Variants in LRRC4C observed in about 807,000 individuals in gnomAD.
LRRC4C encodes leucine rich repeat containing 4C.
LRRC4C carries 5 observed loss-of-function variants against 33.6 expected under a neutral mutation model. The observed-to-expected ratio is 0.15, with a 90% CI of 0.08 to 0.31. LRRC4C has a LOEUF of 0.31. Among genes scored for constraint, LRRC4C ranks in the 10% least tolerant of loss-of-function variants. The pLI, the probability that LRRC4C is intolerant of heterozygous loss-of-function variation, is 1.00. For synonymous variants in LRRC4C, 329 were observed against 302.0 expected, an observed-to-expected ratio of 1.09 and a Z score of -0.93; for missense variants, 560 against 796.7, an observed-to-expected ratio of 0.70 and a Z score of 3.58.
In LRRC4C at chr11:41,021,015, C is replaced by T. The variant is rs576536460; in HGVS notation, c.-495-87292G>A. The stretch of plus-strand genomic sequence containing the variant: ...AAATGAGGCTGATTTGCATCACTTG[C>T]TCTCTAACCTTTTCCTTCACAGCAT... On this transcript the variant is annotated intron_variant, in intron 1 of 6. Transcript: ENST00000528697. Among the ~76,000 whole-genome samples the T allele has an allele frequency of 5.9e-5, 9 of 152,282 alleles. No individual in the cohort carries two copies. The South Asian group carries it at 1.0e-3, about 18-fold the overall frequency.
chr11:41,422,499 A>T (rs1954905011), intron 1 of LRRC4C, among the ~76,000 whole-genome samples: 1 of 152,070 alleles, frequency 6.6e-6, no homozygotes, highest in Admixed American at 6.6e-5. Context: ...CAGTCATGAG[A>T]GCACCCACTG....
intron 2 of LRRC4C, among the ~76,000 whole-genome samples, chr11:40,669,916 C>T (rs779300171): frequency 6.6e-6 from 1 of 152,218 alleles, no homozygotes; most frequent in African/African-American, 2.4e-5. Flanking sequence ...TATAAAATCA[C>T]TGCTCATAAA....
intron 1 of LRRC4C, among the ~76,000 whole-genome samples, chr11:41,130,565 A>C (rs891328242): frequency 6.6e-6 from 1 of 152,010 alleles, no homozygotes; most frequent in Admixed American, 6.6e-5. Context: ...TCAACTATGA[A>C]ATGTTTTTTA....
At chr11:41,153,419 T>C (rs17515552) in intron 1 of LRRC4C, among the ~76,000 whole-genome samples, 310 of 152,268 alleles carry the variant, frequency 2.0e-3, no homozygotes, top group South Asian at 4.8e-3. Flanking sequence ...GAATGATTCA[T>C]TGAAAGCCCA....
At chr11:40,717,494 C>G (rs1451700868) in intron 2 of LRRC4C, among the ~76,000 whole-genome samples, 1 of 151,924 alleles carries the variant, frequency 6.6e-6, no homozygotes, top group Non-Finnish European at 1.5e-5. Flanking sequence ...CTTTTTGGTA[C>G]TAATGTTCTT....
intron 3 of LRRC4C, among the ~76,000 whole-genome samples, chr11:40,379,830 G>T (rs1022146972): frequency 1.3e-5 from 2 of 152,114 alleles, no homozygotes; most frequent in Non-Finnish European, 2.9e-5. Context: ...TTGTGGGCCC[G>T]CAGTATCAAC....
At chr11:41,287,598 C>A (rs964205916) in intron 1 of LRRC4C, among the ~76,000 whole-genome samples, 1 of 152,058 alleles carries the variant, frequency 6.6e-6, no homozygotes, top group African/African-American at 2.4e-5. Flanking sequence ...TCTGCAAGTA[C>A]CTAGAAGCTA....
At chr11:40,462,162 C>T (rs1952429749) in intron 3 of LRRC4C, among the ~76,000 whole-genome samples, 1 of 151,982 alleles carries the variant, frequency 6.6e-6, no homozygotes, top group Admixed American at 6.6e-5. Context: ...CCTATGAATT[C>T]CCCAATTGTT....
chr11:41,218,912 C>A (rs1947181641), intron 1 of LRRC4C, among the ~76,000 whole-genome samples: 1 of 151,686 alleles, frequency 6.6e-6, no homozygotes, highest in African/African-American at 2.4e-5. Flanking sequence ...GGACTACAGG[C>A]GCCTGCCACC....
At chr11:41,232,085 G>A (rs28491591) in intron 1 of LRRC4C, among the ~76,000 whole-genome samples, 11,541 of 151,646 alleles carry the variant, frequency 0.076, 931 homozygotes, top group African/African-American at 0.2. Context: ...GCCTCTCCCT[G>A]GAATGATTTC....
chr11:40,467,965 A>G (rs1952733552), intron 3 of LRRC4C, among the ~76,000 whole-genome samples: 1 of 152,146 alleles, frequency 6.6e-6, no homozygotes, highest in Non-Finnish European at 1.5e-5. Context: ...CAGAAATGAC[A>G]AGGCTGTGCA....
At chr11:40,489,372 G>T (rs1055918714) in intron 3 of LRRC4C, among the ~76,000 whole-genome samples, 2 of 151,826 alleles carry the variant, frequency 1.3e-5, no homozygotes, top group South Asian at 4.2e-4. Context: ...AACATCCCTG[G>T]GAATCTTTAG....
At chr11:40,155,970 G>T (rs576517059) in intron 5 of LRRC4C, among the ~76,000 whole-genome samples, 42 of 152,126 alleles carry the variant, frequency 2.8e-4, no homozygotes, top group African/African-American at 1.0e-3. Context: ...CTAGCTAACC[G>T]AATCCAGCAA....
At chr11:40,847,093 G>A (rs1228994781) in intron 2 of LRRC4C, among the ~76,000 whole-genome samples, 2 of 150,630 alleles carry the variant, frequency 1.3e-5, no homozygotes, top group African/African-American at 4.9e-5. Context: ...CCTGTAATCT[G>A]CAAAGATAAT....
intron 1 of LRRC4C, among the ~76,000 whole-genome samples, chr11:41,340,314 A>T (rs79572676): frequency 5.8e-4 from 88 of 152,316 alleles, no homozygotes; most frequent in African/African-American, 2.0e-3. Context: ...AGAAGAATTA[A>T]CAAGCTAAAT....
chr11:40,181,184 C>T (rs928607852), intron 5 of LRRC4C, among the ~76,000 whole-genome samples: 2 of 152,184 alleles, frequency 1.3e-5, no homozygotes, highest in African/African-American at 2.4e-5. Context: ...TTCCCTTCCT[C>T]CCTCCCATCC....
chr11:40,295,750 G>C (rs1457933819), intron 4 of LRRC4C, among the ~76,000 whole-genome samples: 1 of 152,110 alleles, frequency 6.6e-6, no homozygotes, highest in East Asian at 1.9e-4. Context: ...GGAGAGCTTT[G>C]ATGTTATGAA....
At chr11:40,566,386 T>C (rs1253836186) in intron 3 of LRRC4C, among the ~76,000 whole-genome samples, 1 of 152,068 alleles carries the variant, frequency 6.6e-6, no homozygotes, top group Non-Finnish European at 1.5e-5. Context: ...CTACTCTATA[T>C]ATCAAATTAA....
At chr11:40,978,146 G>A (rs1399461214) in intron 1 of LRRC4C, among the ~76,000 whole-genome samples, 2 of 151,872 alleles carry the variant, frequency 1.3e-5, no homozygotes, top group African/African-American at 2.4e-5. Flanking sequence ...TATTGCATTA[G>A]GCTCTCCGTT....
Sources: gnomAD v4.1 joint callset for allele counts (sites outside exome capture counted in the v4.1 genomes callset) on GRCh38, gnomAD v4.1.1 for gene constraint, MANE v1.5 for transcripts, NCBI Gene and HGNC (gene_info 2026-07-23, HGNC 2026-07-21) for gene names.